Variants in MYO16 observed in about 807,000 individuals in gnomAD.
MYO16 encodes the protein unconventional myosin-XVI.
In MYO16, 94 loss-of-function variants were observed where a neutral mutation model predicts 205.3. The ratio of observed to expected loss-of-function variants is 0.46; its 90% confidence interval spans 0.39 to 0.54. The LOEUF is 0.54. Among genes scored for constraint, MYO16 ranks in the 20% least tolerant of loss-of-function variants. MYO16 has a pLI of 0.00. For missense variants in MYO16, 2,315 were observed against 2,387.5 expected, an observed-to-expected ratio of 0.97 and a Z score of 0.63; for synonymous variants, 988 against 954.0, an observed-to-expected ratio of 1.04 and a Z score of -0.66.
the MYO16 span, among the ~76,000 whole-genome samples, chr13:108,500,616 C>CTAAA: frequency 6.6e-6 from 1 of 152,042 alleles, no homozygotes; most frequent in Non-Finnish European, 1.5e-5. Flanking sequence ...GTTATCAAGT[C>CTAAA]TTTACAATGT....
chr13:108,842,920 CA>C (rs1877320804), intron 9 of MYO16, among the ~76,000 whole-genome samples: 2 of 151,922 alleles, frequency 1.3e-5, no homozygotes, highest in Admixed American at 1.3e-4. Context: ...ATTCAGCTAC[CA>C]AAAAATAAAA....
intron 34 of MYO16, among the ~76,000 whole-genome samples, chr13:109,202,480 T>C (rs1185955063): frequency 1.3e-5 from 2 of 152,196 alleles, no homozygotes; most frequent in Non-Finnish European, 2.9e-5. Context: ...TTTTCATATG[T>C]TTGTTGGGCA....
Position 108,768,636 on chromosome 13 carries a change from T to G in MYO16, c.508-16999T>G, listed in dbSNP as rs562720955. Reference sequence around the variant, plus strand: ...CCCAAAACCTTATAGGACACAGACATAGTGTAAAATATTTTCCAATATACG... The same window carrying G: ...CCCAAAACCTTATAGGACACAGACAGAGTGTAAAATATTTTCCAATATACG... On this transcript the variant is annotated intron_variant, in intron 4 of 34. Transcript: ENST00000457511. Among the ~76,000 whole-genome samples, 6 of 152,312 alleles carry G rather than the reference T, an allele frequency of 3.9e-5. No individual in the cohort carries two copies. In the East Asian group the frequency reaches 1.2e-3, roughly 29 times the overall value.
chr13:108,634,083 A>C (rs1484843699), intron 1 of MYO16, among the ~76,000 whole-genome samples: 4 of 152,214 alleles, frequency 2.6e-5, no homozygotes, highest in Non-Finnish European at 5.9e-5. Context: ...GGAGGACATC[A>C]GAGCAAAAGC....
At chr13:108,710,502 G>T (rs2139543475) in intron 2 of MYO16, among the ~76,000 whole-genome samples, 2 of 152,148 alleles carry the variant, frequency 1.3e-5, no homozygotes, top group African/African-American at 4.8e-5. Flanking sequence ...ATTATTATGG[G>T]GTTTTATTGC....
intron 12 of MYO16, among the ~76,000 whole-genome samples, chr13:108,872,646 A>C (rs1879125039): frequency 6.6e-6 from 1 of 151,266 alleles, no homozygotes; most frequent in Non-Finnish European, 1.5e-5. Context: ...AAATCTATAT[A>C]TGTTTCAATA....
At chr13:108,795,477 G>A (rs997693244) in intron 6 of MYO16, among the ~76,000 whole-genome samples, 4 of 152,000 alleles carry the variant, frequency 2.6e-5, no homozygotes, top group Non-Finnish European at 5.9e-5. Flanking sequence ...CAAAGTGCTG[G>A]GATTACAGGT....
At chr13:109,159,065 T>C (rs1455227776) in intron 32 of MYO16, among the ~76,000 whole-genome samples, 1 of 152,222 alleles carries the variant, frequency 6.6e-6, no homozygotes, top group African/African-American at 2.4e-5. Context: ...AGTACAATTT[T>C]AAAAAACTAT....
At chr13:108,885,008 C>T (rs569374560) in intron 13 of MYO16, among the ~76,000 whole-genome samples, 64 of 151,806 alleles carry the variant, frequency 4.2e-4, no homozygotes, top group African/African-American at 8.7e-4. Context: ...AAGAGAAAGA[C>T]GCTGAGACGG....
intron 20 of MYO16, among the ~76,000 whole-genome samples, chr13:108,966,901 TTGTTTACCAATCC>T (rs1883811739): frequency 6.6e-6 from 1 of 152,174 alleles, no homozygotes; most frequent in Non-Finnish European, 1.5e-5. Context: ...TAGGCTCTTG[TTGTTTACCAATCC>T]TGTGTTTTTG....
the MYO16 span, among the ~76,000 whole-genome samples, chr13:108,552,464 G>A: frequency 6.6e-6 from 1 of 152,100 alleles, no homozygotes; most frequent in African/African-American, 2.4e-5. Flanking sequence ...GGCTCTGCCT[G>A]AGGTGCAGGA....
intron 28 of MYO16, among the ~76,000 whole-genome samples, chr13:109,115,799 G>T (rs144388302): frequency 0.015 from 2,275 of 152,228 alleles, 31 homozygotes; most frequent in South Asian, 0.032. Context: ...GCTAAAGAAG[G>T]ATTCTTAAAT....
chr13:108,508,073 T>A, the MYO16 span, among the ~76,000 whole-genome samples: 28 of 152,100 alleles, frequency 1.8e-4, no homozygotes, highest in African/African-American at 6.5e-4. Context: ...TGTCTATCTG[T>A]GTCTTATTTA....
chr13:109,194,314 A>AT (rs1298141208), intron 34 of MYO16, among the ~76,000 whole-genome samples: 3 of 152,200 alleles, frequency 2.0e-5, no homozygotes, highest in Non-Finnish European at 4.4e-5. Flanking sequence ...ATTAATACAT[A>AT]TAAAAACTGA....
intron 20 of MYO16, among the ~76,000 whole-genome samples, chr13:108,974,117 T>G (rs1005223383): frequency 1.3e-5 from 2 of 152,208 alleles, no homozygotes; most frequent in African/African-American, 2.4e-5. Context: ...AATTCTGCAC[T>G]TTGATTTTGT....
the MYO16 span, among the ~76,000 whole-genome samples, chr13:108,535,225 C>T: frequency 6.6e-6 from 1 of 152,100 alleles, no homozygotes. Context: ...ACATCAACAG[C>T]TCTCAGTTCT....
At chr13:109,014,348 A>G (rs887781131) in intron 22 of MYO16, among the ~76,000 whole-genome samples, 1 of 152,170 alleles carries the variant, frequency 6.6e-6, no homozygotes, top group Non-Finnish European at 1.5e-5. Context: ...TACCAGTACC[A>G]TGCTGTTTTG....
intron 4 of MYO16, among the ~76,000 whole-genome samples, chr13:108,761,521 G>C (rs1210492801): frequency 6.6e-6 from 1 of 152,162 alleles, no homozygotes; most frequent in Admixed American, 6.5e-5. Flanking sequence ...CGAAAGTATA[G>C]GAGGGCAGCA....
intron 23 of MYO16, among the ~76,000 whole-genome samples, chr13:109,030,717 CT>C (rs1886520852): frequency 6.6e-6 from 1 of 152,088 alleles, no homozygotes; most frequent in African/African-American, 2.4e-5. Flanking sequence ...TGCATATTGA[CT>C]TTTTAATATC....
Sources: gnomAD v4.1 joint callset for allele counts (sites outside exome capture counted in the v4.1 genomes callset) on GRCh38, gnomAD v4.1.1 for gene constraint, MANE v1.5 for transcripts, NCBI Gene and HGNC (gene_info 2026-07-23, HGNC 2026-07-21) for gene names.